Variants in TMEM45A observed in about 807,000 individuals in gnomAD.
TMEM45A encodes the protein DNA polymerase-transactivated protein 4.
Under a neutral mutation model 32.0 loss-of-function variants are expected in TMEM45A, and 25 were observed. The observed-to-expected ratio is 0.78, with a 90% CI of 0.57 to 1.09. The LOEUF is 1.09. Among genes scored for constraint, TMEM45A ranks in the 50% least tolerant of loss-of-function variants. The probability of loss-of-function intolerance (pLI) is 0.00; values close to 1 mark genes in which losing one functional copy is unlikely to be tolerated. For missense variants in TMEM45A, 302 were observed against 325.0 expected (o/e 0.93, Z 0.54); for synonymous variants, 122 against 114.8 (o/e 1.06, Z -0.40).
At chr3:100,545,909 G>A (rs764405960) in intron 1 of TMEM45A, among the ~76,000 whole-genome samples, 2 of 152,168 alleles carry the variant, frequency 1.3e-5, no homozygotes, top group Non-Finnish European at 2.9e-5. Context: ...CTTGGCAAAA[G>A]GGACTTTGCA....
chr3:100,572,697 T>A (rs1330524236), intron 5 of TMEM45A: 3 of 152,020 alleles, frequency 2.0e-5, no homozygotes, highest in Admixed American at 6.5e-5. Context: ...CTGAATGGTA[T>A]TGCCTAGGTT....
At chr3:100,569,031 G>A in intron 5 of TMEM45A, 64 bp downstream of exon 5, 1 of 1,485,922 alleles carries the variant, frequency 6.7e-7, no homozygotes, top group Non-Finnish European at 9.2e-7. Context: ...AAGACTCAGT[G>A]GTATTGAATT....
intron 4 of TMEM45A, among the ~76,000 whole-genome samples, chr3:100,563,236 T>C (rs942478244): frequency 4.6e-5 from 7 of 152,228 alleles, no homozygotes; most frequent in African/African-American, 1.7e-4. Context: ...TTCTTTGTTT[T>C]CCTATGTCTT....
intron 4 of TMEM45A, among the ~76,000 whole-genome samples, chr3:100,562,386 G>A (rs966330758): frequency 6.6e-6 from 1 of 152,214 alleles, no homozygotes; most frequent in Non-Finnish European, 1.5e-5. Flanking sequence ...ACTATGGAAT[G>A]TTTCTATGGC....
chr3:100,516,912 T>C (rs924802862), intron 1 of TMEM45A, among the ~76,000 whole-genome samples: 2 of 152,112 alleles, frequency 1.3e-5, no homozygotes, highest in Non-Finnish European at 2.9e-5. Flanking sequence ...AGATGAGTCC[T>C]TGTGAAGTGA....
intron 1 of TMEM45A, among the ~76,000 whole-genome samples, chr3:100,514,064 T>C (rs372982688): frequency 1.3e-5 from 2 of 152,202 alleles, no homozygotes; most frequent in South Asian, 2.1e-4. Flanking sequence ...AGGTAATTTA[T>C]AGATTCAATG....
chr3:100,507,529 G>C (rs1708094760), intron 1 of TMEM45A, among the ~76,000 whole-genome samples: 1 of 152,114 alleles, frequency 6.6e-6, no homozygotes, highest in Admixed American at 6.5e-5. Context: ...TTAAAGGAGG[G>C]GGTCTTAAAA....
intron 1 of TMEM45A, among the ~76,000 whole-genome samples, chr3:100,524,406 T>C (rs1361589119): frequency 6.6e-6 from 1 of 152,150 alleles, no homozygotes; most frequent in Non-Finnish European, 1.5e-5. Context: ...GTTAATTTCT[T>C]TTTCCTTCCC....
intron 5 of TMEM45A, among the ~76,000 whole-genome samples, chr3:100,569,467 C>A (rs867432676): frequency 6.6e-6 from 1 of 152,096 alleles, no homozygotes; most frequent in African/African-American, 2.4e-5. Flanking sequence ...TTTATAAGAA[C>A]CCCAGTATAA....
intron 1 of TMEM45A, among the ~76,000 whole-genome samples, chr3:100,505,678 AC>A (rs1361792368): frequency 6.6e-6 from 1 of 152,240 alleles, no homozygotes; most frequent in Non-Finnish European, 1.5e-5. Context: ...AGATGGAGTA[AC>A]AGGGCCAGAT....
intron 3 of TMEM45A, among the ~76,000 whole-genome samples, chr3:100,558,108 A>T (rs1423298821): frequency 6.6e-6 from 1 of 152,256 alleles, no homozygotes; most frequent in Non-Finnish European, 1.5e-5. Flanking sequence ...AAAGATATTC[A>T]TTCAAAAATA....
intron 1 of TMEM45A, among the ~76,000 whole-genome samples, chr3:100,518,820 C>T (rs777874137): frequency 2.0e-5 from 3 of 152,086 alleles, no homozygotes; most frequent in Non-Finnish European, 4.4e-5. Flanking sequence ...GATGGGTGGC[C>T]CTGTTCCCTG....
At chr3:100,567,134 A>C (rs915383360) in intron 4 of TMEM45A, among the ~76,000 whole-genome samples, 1 of 151,756 alleles carries the variant, frequency 6.6e-6, no homozygotes, top group African/African-American at 2.4e-5. Context: ...TAGGTCTTTA[A>C]TCCATTTTGA....
intron 1 of TMEM45A, among the ~76,000 whole-genome samples, chr3:100,546,285 C>G (rs995100209): frequency 2.0e-5 from 3 of 152,222 alleles, no homozygotes; most frequent in Non-Finnish European, 4.4e-5. Flanking sequence ...TGTTGAATAT[C>G]TGACCCATAG....
rs1417187256 is a variant in TMEM45A at position 100,512,030 on chromosome 3, C to T, written c.-4+19102C>T. ...ACTCCCACACATTAATAATGGGAGA[C>T]TTTAACACCCCACTGTCAACATTAG... is the stretch of plus-strand genomic sequence containing the variant. On this transcript the variant is annotated intron_variant, in intron 1 of 5. Coordinates refer to ENST00000323523, the MANE Select transcript of TMEM45A (RefSeq NM_018004.3). Among the ~76,000 whole-genome samples the T allele has an allele frequency of 4.6e-5, 7 of 152,180 alleles. No individual in the cohort carries two copies. The East Asian group carries it at 1.4e-3, about 29-fold the overall frequency.
At chr3:100,525,537 A>G (rs1191542327) in intron 1 of TMEM45A, among the ~76,000 whole-genome samples, 10 of 152,240 alleles carry the variant, frequency 6.6e-5, no homozygotes, top group African/African-American at 1.7e-4. Flanking sequence ...TGTGAAGACA[A>G]GTTTCTATGG....
chr3:100,532,721 G>A (rs1705668193), intron 1 of TMEM45A, among the ~76,000 whole-genome samples: 1 of 152,150 alleles, frequency 6.6e-6, no homozygotes, highest in South Asian at 2.1e-4. Flanking sequence ...GAAGATGGGA[G>A]TTTAGAGATT....
chr3:100,558,660 G>C, intron 4 of TMEM45A, 71 bp downstream of exon 4: 1 of 1,522,240 alleles, frequency 6.6e-7, no homozygotes, highest in Non-Finnish European at 9.0e-7. Flanking sequence ...TGATGAGGCA[G>C]TTTGCTCCCG....
rs372909578 is a variant in TMEM45A at position 100,550,911 on chromosome 3, C to T, written c.-3-4298C>T. Among the ~76,000 whole-genome samples, 9 of 151,410 alleles carry T rather than the reference C, an allele frequency of 5.9e-5. No individual in the cohort carries two copies. In the East Asian group the frequency reaches 1.4e-3, roughly 23 times the overall value. ...GCTTGGTATCATTAGAAGTGGAGGGCTTCTTTGGATGGGGGAGGAGGAAGA... is the reference window on the plus strand; with the variant it reads ...GCTTGGTATCATTAGAAGTGGAGGGTTTCTTTGGATGGGGGAGGAGGAAGA... On this transcript the variant is annotated intron_variant, in intron 1 of 5. Transcript: ENST00000323523.
Sources: allele counts gnomAD v4.1 joint callset (sites outside exome capture counted in the v4.1 genomes callset), GRCh38; gene constraint gnomAD v4.1.1; transcripts MANE v1.5; gene names NCBI Gene and HGNC (gene_info 2026-07-23, HGNC 2026-07-21).